NHLRC3: variants seen among roughly 807,000 people sequenced by gnomAD.
NHLRC3 encodes the protein NHL repeat-containing protein 3.
NHLRC3 carries 23 observed loss-of-function variants against 32.0 expected under a neutral mutation model. The ratio of observed to expected loss-of-function variants is 0.72; its 90% confidence interval spans 0.52 to 1.02. The LOEUF is 1.02. NHLRC3 is among the 50% of genes least tolerant of loss of function. NHLRC3 has a pLI of 0.00. For missense variants in NHLRC3, 407 were observed against 406.8 expected (o/e 1.00, Z -0.01); for synonymous variants, 159 against 147.9 (o/e 1.08, Z -0.55).
At position 39,039,052 on chromosome 13, in the gene NHLRC3, A is replaced by G. The variant is rs1004380680; in HGVS notation, c.85-84A>G. 3.2e-6 allele frequency: 3 copies of G among 944,568 alleles called. No individual in the cohort carries two copies. In the African/African-American group the frequency reaches 4.8e-5, roughly 15 times the overall value. 58.5% of individuals were successfully genotyped at this position (944,568 alleles called of 1,614,324 possible). ...TAGTTGTCAAGGCATGCTTAAAAAT[A>G]AGCCCTGTTACCCGGCCCCCCCGCC... On this transcript the variant is annotated intron_variant, in intron 1 of 6. Transcript: ENST00000379600.
At position 39,042,034 on chromosome 13, in the gene NHLRC3, T is replaced by A; in HGVS notation, c.386-71T>A. ...TTTACTTCTATCAAATTTTTGCTCT[T>A]AGCTTACTTGAAAAATCTGAATGTT... On this transcript the variant is annotated intron_variant, in intron 3 of 6. Coordinates refer to ENST00000379600, the MANE Select transcript of NHLRC3 (RefSeq NM_001012754.4). 5.5e-6 allele frequency: 5 copies of A among 901,642 alleles called. No individual in the cohort carries two copies. The South Asian group carries it at 7.5e-5, about 14-fold the overall frequency. 55.9% of individuals were successfully genotyped at this position (901,642 alleles called of 1,614,324 possible).
At chr13:39,040,514 AT>A (rs1871427660) in intron 3 of NHLRC3, 1 of 152,202 alleles carries the variant, frequency 6.6e-6, no homozygotes, top group Non-Finnish European at 1.5e-5. Context: ...GCCATCAAAT[AT>A]TTTTAGTAGA....
In NHLRC3 at chr13:39,041,872, T is replaced by C. The variant is rs546270097; in HGVS notation, c.386-233T>C. The C allele has an allele frequency of 8.9e-6, 4 of 449,326 alleles. No homozygotes were observed. The East Asian group carries it at 1.5e-4, about 17-fold the overall frequency. The allele number at this position is 449,326 out of a possible 1,614,324, so 27.8% of individuals were successfully genotyped here. A position where few individuals can be genotyped will look rare whatever the true frequency, so the allele number is the denominator to read the frequency against. ...ATGAGTCAATTATGGGGATGTTATT[T>C]ATTTGAATTTAGAATCCGCTTATTT... On this transcript the variant is annotated intron_variant, in intron 3 of 6. Transcript: ENST00000379600.
rs9566392 is a variant in NHLRC3, at chr13:39,044,234, T to G, written c.678+53T>G. 0.057 allele frequency: 25,637 copies of G among 448,376 alleles called. 673 individuals carry two copies. The highest frequency in any genetic ancestry group is 0.1 in the African/African-American group (1,148 of 10,938). 27.8% of individuals were successfully genotyped at this position (448,376 alleles called of 1,614,324 possible). On this transcript the variant is annotated intron_variant, in intron 5 of 6. Coordinates refer to ENST00000379600, the MANE Select transcript of NHLRC3 (RefSeq NM_001012754.4). ...GACTTTGTGTCTGAATATGTTTGTG[T>G]GTGTGTGTGTGTGTGTGTGTGTGTG...
rs888551661 is a variant in NHLRC3 at position 39,049,863 on chromosome 13, G to A, written c.*1937G>A. 2.0e-5 allele frequency: 3 copies of A among 152,136 alleles called. No homozygotes were observed. The highest frequency in any genetic ancestry group is 6.5e-5 in the Admixed American group (1 of 15,278). The allele number at this position is 152,136 out of a possible 1,614,324, so 9.4% of individuals were successfully genotyped here. ...TAAACCGATTTTGCCATTTCAAAAC[G>A]TTTTATTTTACTTTGTTTTATATCA... On this transcript the variant is annotated 3_prime_UTR_variant, in exon 7 of 7. Coordinates refer to ENST00000379600, the MANE Select transcript of NHLRC3 (RefSeq NM_001012754.4).
chr13:39,049,741 T>C lies in NHLRC3; in HGVS notation c.*1815T>C, dbSNP rs545084334. The stretch of plus-strand genomic sequence containing the variant: ...AATGCCTCTTTGAAGCAATTTAGGC[T>C]AAACTGATTTTGAAATTTCAAAATG... On this transcript the variant is annotated 3_prime_UTR_variant, in exon 7 of 7. Transcript: ENST00000379600. The C allele has an allele frequency of 4.1e-4, 62 of 152,348 alleles. No homozygotes were observed. The highest frequency in any genetic ancestry group is 1.4e-3 in the African/African-American group (58 of 41,588). The allele number at this position is 152,348 out of a possible 1,614,324, so 9.4% of individuals were successfully genotyped here.
In NHLRC3 at chr13:39,042,089, A is replaced by G. The variant is rs770030154; in HGVS notation, c.386-16A>G. On this transcript the variant is annotated splice_polypyrimidine_tract_variant and intron_variant, in intron 3 of 6. Transcript: ENST00000379600. ...TAGTGGTTTTATTTGTGAGATGTAC[A>G]TATCTATCTTTATAGGATTCTTTGG... The G allele has an allele frequency of 6.3e-6, 9 of 1,436,108 alleles. No homozygotes were observed. Among genetic ancestry groups the G allele is most frequent in the South Asian group, 3.4e-5 (3 of 87,310 alleles). 89.0% of individuals were successfully genotyped at this position (1,436,108 alleles called of 1,614,324 possible).
rs768204274 is a variant in NHLRC3, at chr13:39,047,672, A to C, written c.792-2A>C. 1 of 1,608,872 alleles carries C rather than the reference A, an allele frequency of 6.2e-7. No individual in the cohort carries two copies. The highest frequency in any genetic ancestry group is 1.1e-5 in the South Asian group (1 of 90,594). On this transcript the variant is annotated splice_acceptor_variant, in intron 6 of 6. Transcript: ENST00000379600. LOFTEE classifies it high-confidence loss of function. ...TATTATGTTAAATGTCTTTCTCCTT[A>C]GGTTTACTCCTGATGGGAAGTACTT...
intron 3 of NHLRC3, chr13:39,040,885 C>T (rs1345846065): frequency 1.3e-5 from 2 of 152,122 alleles, no homozygotes; most frequent in Non-Finnish European, 2.9e-5. Context: ...CTGTGTTTTA[C>T]ATAGTATGAA....
Position 39,039,198 on chromosome 13 carries a change from T to C in NHLRC3, c.147T>C (p.Asp49=). ...CTGAGAAAATTCTTTACCGGCTGGA[T>C]GTGGGTTGGCCTAAGCACCCAGAAT... is the stretch of plus-strand genomic sequence containing the variant. The part of the protein sequence containing the change: ...WRTEKILYRL[D]VGWPKHPEYF... Residue 49 remains aspartate, a synonymous_variant, in exon 2 of 7, where the codon GAT becomes GAC. Transcript: ENST00000379600. 1 of 1,613,962 alleles carries C rather than the reference T, an allele frequency of 6.2e-7. No individual in the cohort carries two copies. The highest frequency in any genetic ancestry group is 8.5e-7 in the Non-Finnish European group (1 of 1,179,854).
chr13:39,039,501 C>T, intron 2 of NHLRC3, 63 bp from the exon 3 acceptor site: 3 of 1,405,234 alleles, frequency 2.1e-6, no homozygotes, highest in African/African-American at 1.4e-5. Flanking sequence ...TTTTTCTTCG[C>T]CAAGATACAG....
Position 39,038,547 on chromosome 13 carries a change from C to A in NHLRC3, c.-93C>A. On this transcript the variant is annotated 5_prime_UTR_variant, in exon 1 of 7. Transcript: ENST00000379600. ...TAGGGTCTTCGGGCCCCGGGCAGAC[C>A]CTCTGTGCCGCTGCAAACCGTTGCA... The A allele has an allele frequency of 9.3e-7, 1 of 1,077,640 alleles. No individual in the cohort carries two copies. The highest frequency in any genetic ancestry group is 1.4e-6 in the Non-Finnish European group (1 of 692,642). The allele number at this position is 1,077,640 out of a possible 1,614,324, so 66.8% of individuals were successfully genotyped here.
chr13:39,044,267 GTCTGGGCA>G, intron 5 of NHLRC3, 86 bp downstream of exon 5: 1 of 881,470 alleles, frequency 1.1e-6, no homozygotes. Flanking sequence ...GTGTGTGTGT[GTCTGGGCA>G]TGTATATATA....
intron 1 of NHLRC3, 58 bp from the exon 2 acceptor site, chr13:39,039,078 C>CGTTTTT: frequency 2.9e-6 from 3 of 1,038,064 alleles, no homozygotes; most frequent in East Asian, 2.6e-5. Context: ...CCCCCCCGCC[C>CGTTTTT]TTTTTTTGTT....
chr13:39,039,363 A>T, intron 2 of NHLRC3, 75 bp downstream of exon 2: 2 of 1,260,640 alleles, frequency 1.6e-6, no homozygotes, highest in Non-Finnish European at 2.3e-6. Flanking sequence ...GTAGTAACTG[A>T]CCATATGCGT....
intron 4 of NHLRC3, 100 bp downstream of exon 4, chr13:39,042,405 G>A: frequency 1.4e-6 from 1 of 708,808 alleles, no homozygotes; most frequent in Non-Finnish European, 2.3e-6. Flanking sequence ...GAAGCGGTGT[G>A]TAAAGAGCTA....
intron 2 of NHLRC3, 68 bp from the exon 3 acceptor site, chr13:39,039,496 C>G: frequency 7.3e-7 from 1 of 1,371,226 alleles, no homozygotes; most frequent in South Asian, 1.3e-5. Context: ...TATTTTTTTT[C>G]TTCGCCAAGA....
At chr13:39,045,589 C>T (rs527343816) in intron 5 of NHLRC3, among the ~76,000 whole-genome samples, 7 of 152,222 alleles carry the variant, frequency 4.6e-5, no homozygotes, top group African/African-American at 1.4e-4. Flanking sequence ...AACAGGAGTT[C>T]CCATAATCAA....
rs1230633091 is a variant in NHLRC3, at chr13:39,038,850, T to C, written c.84+127T>C. The C allele has an allele frequency of 1.8e-5, 15 of 840,720 alleles. No individual in the cohort carries two copies. The East Asian group carries it at 2.9e-4, about 16-fold the overall frequency. The allele number at this position is 840,720 out of a possible 1,614,324, so 52.1% of individuals were successfully genotyped here. A position where few individuals can be genotyped will look rare whatever the true frequency, so the allele number is the denominator to read the frequency against. On this transcript the variant is annotated intron_variant, in intron 1 of 6. Coordinates refer to ENST00000379600, the MANE Select transcript of NHLRC3 (RefSeq NM_001012754.4). ...AGTAGCTTGTCTCAAAGCCTGCACC[T>C]GGGTCCAAACTGCCTTGACCCTTTG... is the stretch of plus-strand genomic sequence containing the variant.
Sources: gnomAD v4.1 joint callset for allele counts (sites outside exome capture counted in the v4.1 genomes callset) on GRCh38, gnomAD v4.1.1 for gene constraint, MANE v1.5 for transcripts, NCBI Gene and HGNC (gene_info 2026-07-23, HGNC 2026-07-21) for gene names.